The following WWOX variants were observed in gnomAD, a reference collection of about 807,000 sequenced individuals.
The protein encoded by WWOX is WW domain-containing oxidoreductase.
WWOX carries 69 observed loss-of-function variants against 46.2 expected under a neutral mutation model. That is an observed-to-expected ratio of 1.49 (90% CI 1.23 to 1.82). WWOX has a LOEUF of 1.82. WWOX is among the 40% of genes most tolerant of loss of function. The pLI is 0.00. For missense variants in WWOX, 919 were observed against 542.6 expected (o/e 1.69, Z -6.89); for synonymous variants, 359 against 202.6 (o/e 1.77, Z -6.56).
intron 5 of WWOX, among the ~76,000 whole-genome samples, chr16:78,219,476 G>A (rs1034959100): frequency 6.6e-6 from 1 of 152,144 alleles, no homozygotes; most frequent in Non-Finnish European, 1.5e-5. Flanking sequence ...GACAGGAAGA[G>A]ACTCTCCCAG....
chr16:79,090,970 G>C (rs1376627128), intron 8 of WWOX, among the ~76,000 whole-genome samples: 1 of 152,044 alleles, frequency 6.6e-6, no homozygotes, highest in Admixed American at 6.5e-5. Context: ...TCAAATTTTT[G>C]TATTTTTTGT....
At chr16:79,025,482 G>A (rs149326974) in intron 8 of WWOX, among the ~76,000 whole-genome samples, 1 of 152,090 alleles carries the variant, frequency 6.6e-6, no homozygotes, top group African/African-American at 2.4e-5. Context: ...AAGAGAAGGC[G>A]GTGTGAAGGT....
At chr16:78,432,147 T>C (rs567082050) in intron 7 of WWOX, among the ~76,000 whole-genome samples, 1 of 151,618 alleles carries the variant, frequency 6.6e-6, no homozygotes, top group South Asian at 2.1e-4. Context: ...AGACCGAGTC[T>C]AGCTCTGTCA....
chr16:78,711,935 A>G (rs565917758), intron 8 of WWOX, among the ~76,000 whole-genome samples: 4 of 152,282 alleles, frequency 2.6e-5, no homozygotes, highest in African/African-American at 9.6e-5. Flanking sequence ...TGGAAAAGGA[A>G]AGAGCATCTC....
chr16:78,889,483 A>C (rs1284478857), intron 8 of WWOX, among the ~76,000 whole-genome samples: 1 of 151,846 alleles, frequency 6.6e-6, no homozygotes, highest in African/African-American at 2.4e-5. Context: ...TTGGCGGTTG[A>C]TGCTAGACTG....
In WWOX at chr16:78,261,515, AT is replaced by A. The variant is rs934962484; in HGVS notation, c.516+97235del. The stretch of plus-strand genomic sequence containing the variant: ...CTCAAATTCCATTTCTCTTCTGCAG[AT>A]TTTTTTTTAGTTTTGTATTTCATCT... On this transcript the variant is annotated intron_variant, in intron 5 of 8. Transcript: ENST00000566780. Among the ~76,000 whole-genome samples the A allele has an allele frequency of 1.3e-3, 192 of 149,766 alleles. 8 individuals carry two copies. Among genetic ancestry groups the A allele is most frequent in the African/African-American group, 4.3e-3 (177 of 40,758 alleles).
chr16:78,330,071 T>C (rs1235079251), intron 5 of WWOX, among the ~76,000 whole-genome samples: 2 of 152,298 alleles, frequency 1.3e-5, no homozygotes, highest in Middle Eastern at 3.4e-3. Flanking sequence ...TGTCTTTTTC[T>C]AATAACCATT....
intron 8 of WWOX, among the ~76,000 whole-genome samples, chr16:78,529,632 A>T (rs927630009): frequency 6.0e-5 from 9 of 149,216 alleles, no homozygotes; most frequent in African/African-American, 2.2e-4. Flanking sequence ...ACACCTGGCA[A>T]TTTTTTTTTT....
chr16:79,130,877 G>A (rs1367023232), intron 8 of WWOX, among the ~76,000 whole-genome samples: 4 of 152,190 alleles, frequency 2.6e-5, no homozygotes, highest in Non-Finnish European at 5.9e-5. Flanking sequence ...AGCCAAGGGG[G>A]CCCTGTGACC....
At chr16:78,416,676 A>C (rs1366957421) in intron 6 of WWOX, among the ~76,000 whole-genome samples, 1 of 152,198 alleles carries the variant, frequency 6.6e-6, no homozygotes, top group African/African-American at 2.4e-5. Flanking sequence ...AGAAGTATGA[A>C]GTTAAAATTC....
chr16:78,214,434 G>C (rs573800192), intron 5 of WWOX, among the ~76,000 whole-genome samples: 6 of 152,102 alleles, frequency 3.9e-5, no homozygotes, highest in Non-Finnish European at 8.8e-5. Context: ...GTGCACAATC[G>C]AAGTCTGCTG....
intron 8 of WWOX, among the ~76,000 whole-genome samples, chr16:78,584,459 A>T (rs1184309519): frequency 1.3e-5 from 2 of 152,352 alleles, no homozygotes; most frequent in Middle Eastern, 3.4e-3. Flanking sequence ...CTGAAACAGT[A>T]ATTCCCATGT....
intron 8 of WWOX, among the ~76,000 whole-genome samples, chr16:78,455,782 A>T (rs2083803050): frequency 7.1e-6 from 1 of 139,894 alleles, no homozygotes. Flanking sequence ...TGCCTGGGGG[A>T]GGTGAAGGTT....
chr16:78,735,717 C>G (rs1452460710), intron 8 of WWOX, among the ~76,000 whole-genome samples: 3 of 152,162 alleles, frequency 2.0e-5, no homozygotes, highest in African/African-American at 7.2e-5. Flanking sequence ...AGTACTAGTT[C>G]TATGTCAATG....
chr16:78,214,152 C>A (rs997475569), intron 5 of WWOX, among the ~76,000 whole-genome samples: 6 of 152,118 alleles, frequency 3.9e-5, no homozygotes, highest in Non-Finnish European at 7.4e-5. Flanking sequence ...GCAGACTGAC[C>A]CCCTGGACCC....
intron 7 of WWOX, among the ~76,000 whole-genome samples, chr16:78,430,576 C>A (rs758134884): frequency 6.6e-6 from 1 of 152,074 alleles, no homozygotes; most frequent in African/African-American, 2.4e-5. Context: ...GCAGTCATCA[C>A]GACAACCAGA....
At chr16:78,738,207 G>A (rs991291311) in intron 8 of WWOX, among the ~76,000 whole-genome samples, 4 of 152,146 alleles carry the variant, frequency 2.6e-5, no homozygotes, top group African/African-American at 7.2e-5. Context: ...AGAGGAGACT[G>A]CAGTCATTTT....
chr16:78,578,285 T>TATATATATATATA (rs10638175), intron 8 of WWOX, among the ~76,000 whole-genome samples: 24 of 12,938 alleles, frequency 1.9e-3, no homozygotes, highest in East Asian at 4.3e-3. Flanking sequence ...TATATATATA[T>TATATATATATATA]TTTTTTTTTT....
intron 8 of WWOX, among the ~76,000 whole-genome samples, chr16:78,452,878 T>TATATATATATATATATATACATACATAC (rs752791786): frequency 6.3e-5 from 9 of 143,096 alleles, no homozygotes; most frequent in African/African-American, 2.6e-4. Flanking sequence ...TATATATATA[T>TATATATATATATATATATACATACATAC]ATACATATTT....
Sources: allele counts gnomAD v4.1 joint callset (sites outside exome capture counted in the v4.1 genomes callset), GRCh38; gene constraint gnomAD v4.1.1; transcripts MANE v1.5; gene names NCBI Gene and HGNC (gene_info 2026-07-23, HGNC 2026-07-21).